TYW1B: variants seen among roughly 807,000 people sequenced by gnomAD.
The protein encoded by TYW1B is S-adenosyl-L-methionine-dependent tRNA 4-demethylwyosine synthase TYW1B.
In TYW1B, 73 loss-of-function variants were observed where a neutral mutation model predicts 86.9. That is an observed-to-expected ratio of 0.84 (90% confidence interval 0.70 to 1.02). The LOEUF (loss-of-function observed/expected upper bound fraction) is 1.02, where lower values mean the gene tolerates loss of function less well. Ranked by LOEUF, TYW1B falls within the 50% of genes least tolerant of loss-of-function variation. The pLI is 0.00. For synonymous variants in TYW1B, 248 were observed against 292.8 expected, an observed-to-expected ratio of 0.85 and a Z score of 1.56; for missense variants, 637 against 827.4, an observed-to-expected ratio of 0.77 and a Z score of 2.82.
In TYW1B at chr7:72,815,387, A is replaced by G. The variant is rs1348889719; in HGVS notation, c.230T>C (p.Ile77Thr). ...LKEYDPDDHL[I>T]EEVTSKNVCV... The stretch of plus-strand genomic sequence containing the variant: ...AAAAAGACAATTACCAACCTCTTCT[A>G]TCAGATGATCATCTGGATCATATTC... Residue 77 changes from isoleucine to threonine, a missense_variant, in exon 3 of 14, where the codon ATA becomes ACA. By Grantham distance (89) the Ile-to-Thr change is moderately conservative. Coordinates refer to ENST00000620995, the MANE Select transcript of TYW1B (RefSeq NM_001145440.3). 1.3e-6 allele frequency: 2 copies of G among 1,597,388 alleles called. No individual in the cohort carries two copies. Among genetic ancestry groups the G allele is most frequent in the Non-Finnish European group, 1.7e-6 (2 of 1,175,332 alleles).
intron 7 of TYW1B, among the ~76,000 whole-genome samples, chr7:72,751,418 A>T (rs150045495): frequency 7.2e-4 from 109 of 152,278 alleles, no homozygotes; most frequent in Non-Finnish European, 1.2e-3. Context: ...CTATCTTGTC[A>T]TCTCCACTTG....
chr7:72,819,722 T>C (rs1458238679), intron 2 of TYW1B, among the ~76,000 whole-genome samples: 13 of 152,080 alleles, frequency 8.5e-5, no homozygotes, highest in Non-Finnish European at 1.8e-4. Context: ...CGTGAGCCAC[T>C]GTGCCTAGCC....
intron 6 of TYW1B, among the ~76,000 whole-genome samples, chr7:72,787,069 A>T (rs1229416552): frequency 6.6e-6 from 1 of 152,030 alleles, no homozygotes; most frequent in African/African-American, 2.4e-5. Context: ...AAACATTCAT[A>T]CATTTTTCAA....
chr7:72,703,748 G>C (rs1814545930), intron 10 of TYW1B, among the ~76,000 whole-genome samples: 1 of 151,764 alleles, frequency 6.6e-6, no homozygotes, highest in Admixed American at 6.6e-5. Flanking sequence ...CTAGCTACTG[G>C]GGATGGTGAG....
chr7:72,712,566 G>T (rs1480307325), intron 10 of TYW1B, among the ~76,000 whole-genome samples: 5 of 152,186 alleles, frequency 3.3e-5, no homozygotes, highest in Non-Finnish European at 7.3e-5. Context: ...AACCTCAGGT[G>T]ATCCACCGGC....
At chr7:72,600,199 G>T (rs373117822) in intron 13 of TYW1B, among the ~76,000 whole-genome samples, 1,901 of 152,210 alleles carry the variant, frequency 0.012, 41 homozygotes, top group African/African-American at 0.041. Flanking sequence ...GGAATAGAAA[G>T]GCCAGAAATA....
In TYW1B at chr7:72,774,312, C is replaced by T. The variant is rs552955352; in HGVS notation, c.964+3104G>A. ...CTATACTGAGCCGGCTCTTGTCTCA[C>T]CTAAGAAGCCATAAAAGTGAGATAT... On this transcript the variant is annotated intron_variant, in intron 7 of 13. Coordinates refer to ENST00000620995, the MANE Select transcript of TYW1B (RefSeq NM_001145440.3). Among the ~76,000 whole-genome samples the T allele has an allele frequency of 5.1e-4, 69 of 134,504 alleles. 1 individual carries two copies. The South Asian group carries it at 0.012, about 23-fold the overall frequency. The allele number at this position is 134,504 out of a possible 152,430, so 88.2% of individuals were successfully genotyped here.
intron 10 of TYW1B, among the ~76,000 whole-genome samples, chr7:72,706,412 A>G (rs1379404523): frequency 1.5e-5 from 2 of 133,782 alleles, no homozygotes; most frequent in Non-Finnish European, 3.1e-5. Context: ...GGGCAACAAG[A>G]GCGAAACTCC....
chr7:72,667,712 C>CA (rs1218639436), intron 11 of TYW1B, among the ~76,000 whole-genome samples: 2 of 151,510 alleles, frequency 1.3e-5, no homozygotes, highest in Non-Finnish European at 2.9e-5. Context: ...GACTCCAGCT[C>CA]AAAAAAACAA....
chr7:72,814,797 G>A (rs1422213696), intron 3 of TYW1B, among the ~76,000 whole-genome samples: 6 of 151,174 alleles, frequency 4.0e-5, no homozygotes, highest in Admixed American at 1.3e-4. Context: ...AGGCACAGTC[G>A]CTCACGCCTA....
intron 12 of TYW1B, 121 bp downstream of exon 12, chr7:72,628,766 A>G (rs1216193448): frequency 1.4e-6 from 1 of 699,802 alleles, no homozygotes; most frequent in African/African-American, 1.8e-5. Flanking sequence ...CACGAAATGA[A>G]TACATCAATA....
intron 10 of TYW1B, among the ~76,000 whole-genome samples, chr7:72,711,830 G>A (rs558762692): frequency 2.0e-4 from 29 of 142,686 alleles, no homozygotes; most frequent in East Asian, 7.9e-4. Flanking sequence ...CAGTGTTTAC[G>A]AAACAAACTT....
chr7:72,595,731 G>T (rs563759756), intron 13 of TYW1B, among the ~76,000 whole-genome samples: 83 of 152,002 alleles, frequency 5.5e-4, no homozygotes, highest in Non-Finnish European at 1.0e-3. Flanking sequence ...AAATAAGATA[G>T]CATCAAAAAT....
chr7:72,646,611 C>T lies in TYW1B; in HGVS notation c.1507-17614G>A, dbSNP rs189582853. Among the ~76,000 whole-genome samples the T allele has an allele frequency of 1.9e-3, 286 of 152,070 alleles. 1 individual carries two copies. Among genetic ancestry groups the T allele is most frequent in the African/African-American group, 6.6e-3 (275 of 41,460 alleles). On this transcript the variant is annotated intron_variant, in intron 11 of 13. Coordinates refer to ENST00000620995, the MANE Select transcript of TYW1B (RefSeq NM_001145440.3). ...CTGGTCTCAAATACCTGAGCTCAAG[C>T]GATCTGCCTGCCTCGGCCTCCCAGA...
chr7:72,637,355 T>G (rs1186365909), intron 11 of TYW1B, among the ~76,000 whole-genome samples: 2 of 151,870 alleles, frequency 1.3e-5, no homozygotes, highest in African/African-American at 4.8e-5. Context: ...TCATCTAGTA[T>G]TAATTTTCTT....
chr7:72,617,901 ATAAC>A (rs1455922588), intron 12 of TYW1B, among the ~76,000 whole-genome samples: 2 of 152,210 alleles, frequency 1.3e-5, no homozygotes, highest in Non-Finnish European at 2.9e-5. Flanking sequence ...CCAGAATTTC[ATAAC>A]TAAGTTCTTT....
At chr7:72,715,080 T>G (rs1786752784) in intron 9 of TYW1B, among the ~76,000 whole-genome samples, 2 of 152,046 alleles carry the variant, frequency 1.3e-5, no homozygotes, top group Non-Finnish European at 2.9e-5. Context: ...GCCCAACCTG[T>G]CTGCACATTG....
At chr7:72,742,660 C>T (rs1787325784) in intron 8 of TYW1B, among the ~76,000 whole-genome samples, 1 of 151,918 alleles carries the variant, frequency 6.6e-6, no homozygotes, top group Admixed American at 6.6e-5. Context: ...ATAGTCAATC[C>T]CATTAATAAC....
intron 5 of TYW1B, among the ~76,000 whole-genome samples, chr7:72,806,688 C>T (rs4717066): frequency 0.69 from 103,805 of 151,192 alleles, 36,541 homozygotes; most frequent in Non-Finnish European, 0.77. Flanking sequence ...TCTCACTCTG[C>T]TGCCCAGGCT....
Sources: allele counts gnomAD v4.1 joint callset (sites outside exome capture counted in the v4.1 genomes callset), GRCh38; gene constraint gnomAD v4.1.1; transcripts MANE v1.5; gene names NCBI Gene and HGNC (gene_info 2026-07-23, HGNC 2026-07-21).